The following STK3 variants were observed in gnomAD, a reference collection of about 807,000 sequenced individuals.
STK3 encodes the protein serine/threonine-protein kinase 3.
In STK3, 41 loss-of-function variants were observed where a neutral mutation model predicts 58.0. The ratio of observed to expected loss-of-function variants is 0.71; its 90% CI spans 0.55 to 0.92. The LOEUF (loss-of-function observed/expected upper bound fraction) is 0.92. Among genes scored for constraint, STK3 ranks in the 40% least tolerant of loss-of-function variants. The pLI is 0.00. For missense variants in STK3, 479 were observed against 602.7 expected, an observed-to-expected ratio of 0.79 and a Z score of 2.15; for synonymous variants, 170 against 191.0, an observed-to-expected ratio of 0.89 and a Z score of 0.91.
Position 98,374,017 on chromosome 8 carries a change from T to C in STK3, n.112-2339A>G, listed in dbSNP as rs79092499. 6.1e-3 allele frequency among the ~76,000 whole-genome samples: 926 copies of C among 152,362 alleles called. 13 individuals carry two copies. The highest frequency in any genetic ancestry group is 0.021 in the African/African-American group (878 of 41,582). ...TAGATCTGAAATGGAATGATCAGTCTAGAATCTAAAATCTAGATACCCACC... is the reference window on the plus strand; with the variant it reads ...TAGATCTGAAATGGAATGATCAGTCCAGAATCTAAAATCTAGATACCCACC... On this transcript the variant is annotated intron_variant and non_coding_transcript_variant, in intron 2 of 2. Coordinates refer to the STK3 transcript ENST00000518704.
In STK3 at chr8:98,585,769, T is replaced by C. The variant is rs985243850; in HGVS notation, c.823-5980A>G. 2.4e-4 allele frequency among the ~76,000 whole-genome samples: 37 copies of C among 152,262 alleles called. 1 individual carries two copies. Among genetic ancestry groups the C allele is most frequent in the East Asian group, 1.4e-3 (7 of 5,178 alleles). On this transcript the variant is annotated intron_variant, in intron 7 of 10. Coordinates refer to ENST00000419617, the MANE Select transcript of STK3 (RefSeq NM_006281.4). ...CATTTGTTTGTATCCTCTTCTATTT[T>C]CTTGAGCAGGGGTTTGTAGTTCTCC...
intron 6 of STK3, among the ~76,000 whole-genome samples, chr8:98,684,009 A>G (rs550303561): frequency 6.6e-6 from 1 of 152,272 alleles, no homozygotes; most frequent in East Asian, 1.9e-4. Context: ...ACAAACATCA[A>G]TATTTAAGTG....
At position 98,898,978 on chromosome 8, in the gene STK3, C is replaced by T. The variant is rs1210645296; in HGVS notation, c.-78-15144G>A. On this transcript the variant is annotated intron_variant, in intron 1 of 1. Coordinates refer to the STK3 transcript ENST00000519420. ...AGGATCCAGACACAAGTGTGCTTTCCAGAATGGGTTGGAGTGTGCTAGCCC... is the reference window on the plus strand; with the variant it reads ...AGGATCCAGACACAAGTGTGCTTTCTAGAATGGGTTGGAGTGTGCTAGCCC... Among the ~76,000 whole-genome samples the T allele has an allele frequency of 3.3e-5, 5 of 152,186 alleles. No individual in the cohort carries two copies. In the South Asian group the frequency reaches 1.0e-3, roughly 31 times the overall value.
chr8:98,551,708 C>T (rs1020095166), intron 8 of STK3, among the ~76,000 whole-genome samples: 1 of 152,104 alleles, frequency 6.6e-6, no homozygotes, highest in Admixed American at 6.6e-5. Context: ...CAGTTCTCCC[C>T]ATTTTTCCTT....
chr8:98,740,211 A>G (rs1158237037), intron 4 of STK3, among the ~76,000 whole-genome samples: 2 of 152,176 alleles, frequency 1.3e-5, no homozygotes, highest in Non-Finnish European at 2.9e-5. Flanking sequence ...CTAGCAAGGC[A>G]GGCCAACATT....
At chr8:98,378,259 T>G (rs769466103) in intron 2 of STK3, among the ~76,000 whole-genome samples, 2 of 152,186 alleles carry the variant, frequency 1.3e-5, no homozygotes, top group Non-Finnish European at 2.9e-5. Flanking sequence ...CATCCACCTT[T>G]CTCTACAGTC....
intron 3 of STK3, among the ~76,000 whole-genome samples, chr8:98,414,613 T>A (rs1040970236): frequency 6.6e-6 from 1 of 152,204 alleles, no homozygotes; most frequent in African/African-American, 2.4e-5. Flanking sequence ...GTGGGGACCT[T>A]TTGTGACATA....
chr8:98,348,776 G>A, the STK3 span, among the ~76,000 whole-genome samples: 1 of 152,228 alleles, frequency 6.6e-6, no homozygotes, highest in Admixed American at 6.5e-5. Context: ...CAAGGATGTG[G>A]AGCAACAAGT....
intron 1 of STK3, among the ~76,000 whole-genome samples, chr8:98,783,401 AC>A: frequency 6.6e-6 from 1 of 152,308 alleles, no homozygotes; most frequent in African/African-American, 2.4e-5. Context: ...CAATATATAC[AC>A]CTACTATGTA....
chr8:98,415,437 C>T (rs1818104462), intron 3 of STK3, among the ~76,000 whole-genome samples: 1 of 152,152 alleles, frequency 6.6e-6, no homozygotes. Flanking sequence ...TGAGTGGTTT[C>T]CTGATGTGGC....
rs996099467 is a variant in STK3 at position 98,598,577 on chromosome 8, G to A, written c.685-2408C>T. 14 of 985,184 alleles carry A rather than the reference G, an allele frequency of 1.4e-5. No homozygotes were observed. In the Admixed American group the frequency reaches 8.6e-4, roughly 61 times the overall value. The allele number at this position is 985,184 out of a possible 1,614,324, so 61.0% of individuals were successfully genotyped here. On this transcript the variant is annotated intron_variant, in intron 6 of 10. Coordinates refer to ENST00000419617, the MANE Select transcript of STK3 (RefSeq NM_006281.4). ...TAATTTAACCTAATAATGAACCACA[G>A]AGGATCCTCTTAAGAATCTCTAGGT...
intron 6 of STK3, among the ~76,000 whole-genome samples, chr8:98,649,614 A>G (rs1820712223): frequency 6.6e-6 from 1 of 152,192 alleles, no homozygotes; most frequent in Non-Finnish European, 1.5e-5. Context: ...CCAACAGACT[A>G]TTGTAATTAC....
intron 6 of STK3, among the ~76,000 whole-genome samples, chr8:98,673,234 T>C (rs575523385): frequency 9.9e-4 from 151 of 152,312 alleles, no homozygotes; most frequent in African/African-American, 3.4e-3. Context: ...AAAACACTAT[T>C]TTACATCTAG....
intron 6 of STK3, among the ~76,000 whole-genome samples, chr8:98,614,901 C>A (rs1454472988): frequency 6.6e-6 from 1 of 152,180 alleles, no homozygotes; most frequent in African/African-American, 2.4e-5. Context: ...CCCGCCATTG[C>A]CCGGGCTTGC....
intron 3 of STK3, among the ~76,000 whole-genome samples, chr8:98,846,845 A>C (rs1027547768): frequency 6.6e-6 from 1 of 150,674 alleles, no homozygotes; most frequent in Admixed American, 6.6e-5. Flanking sequence ...TTCCTAAACT[A>C]TTCAGGATCC....
At chr8:98,370,444 A>C (rs1344681534), downstream of STK3, among the ~76,000 whole-genome samples, 1 of 151,788 alleles carries the variant, frequency 6.6e-6, no homozygotes, top group Non-Finnish European at 1.5e-5. Flanking sequence ...GCATAATGAA[A>C]TGACTGGGCA....
At chr8:98,366,914 C>T (rs1270327748), downstream of STK3, among the ~76,000 whole-genome samples, 2 of 152,222 alleles carry the variant, frequency 1.3e-5, no homozygotes, top group African/African-American at 4.8e-5. Flanking sequence ...ATGCATTATT[C>T]ATTTGTTTGT....
chr8:98,780,989 G>A (rs1182269020), intron 1 of STK3, among the ~76,000 whole-genome samples: 1 of 152,170 alleles, frequency 6.6e-6, no homozygotes, highest in Non-Finnish European at 1.5e-5. Flanking sequence ...AGTATCCATT[G>A]TAGAACTTCC....
chr8:98,558,459 C>T (rs930632044), intron 8 of STK3, among the ~76,000 whole-genome samples: 6 of 152,096 alleles, frequency 3.9e-5, no homozygotes, highest in Non-Finnish European at 8.8e-5. Context: ...CTTTCACATT[C>T]AGTAACCTCC....
Sources: gnomAD v4.1 joint callset for allele counts (sites outside exome capture counted in the v4.1 genomes callset) on GRCh38, gnomAD v4.1.1 for gene constraint, MANE v1.5 for transcripts, NCBI Gene and HGNC (gene_info 2026-07-23, HGNC 2026-07-21) for gene names.